DNPEP: variants seen among roughly 807,000 people sequenced by gnomAD.
DNPEP encodes the protein aspartyl aminopeptidase.
DNPEP carries 46 observed loss-of-function variants against 59.1 expected under a neutral mutation model. The observed-to-expected ratio is 0.78, with a 90% CI of 0.61 to 0.99. The LOEUF (loss-of-function observed/expected upper bound fraction) is 0.99, where lower values mean the gene tolerates loss of function less well. Among genes scored for constraint, DNPEP ranks in the 50% least tolerant of loss-of-function variants. The pLI is 0.00. For synonymous variants in DNPEP, 229 were observed against 242.2 expected, an observed-to-expected ratio of 0.95 and a Z score of 0.50; for missense variants, 617 against 649.9, an observed-to-expected ratio of 0.95 and a Z score of 0.55.
chr2:219,372,302 A>AT lies in DNPEP; in HGVS notation c.*1989dup, dbSNP rs1953215761. Reference sequence around the variant, plus strand: ...AGATCACTGTAAAAGTTTCAGGTGCATTTTTCCAGGCTTTTTCTATACATG... The same window carrying AT: ...AGATCACTGTAAAAGTTTCAGGTGCATTTTTTCCAGGCTTTTTCTATACATG... On this transcript the variant is annotated 3_prime_UTR_variant, in exon 15 of 15. Coordinates refer to ENST00000273075, the MANE Select transcript of DNPEP (RefSeq NM_012100.4). Among the ~76,000 whole-genome samples, 7 of 152,056 alleles carry AT rather than the reference A, an allele frequency of 4.6e-5. No homozygotes were observed. The South Asian group carries it at 1.4e-3, about 31-fold the overall frequency.
Position 219,375,038 on chromosome 2 carries a change from G to A in DNPEP, c.1240-16C>T, listed in dbSNP as rs527605210. On this transcript the variant is annotated splice_polypyrimidine_tract_variant and intron_variant, in intron 13 of 14. Transcript: ENST00000273075. ...CCATGAGATCCTAGGGAGAGCAGGA[G>A]ACCCATGAGCAACATGCAGTGTGTG... 4 of 1,613,446 alleles carry A rather than the reference G, an allele frequency of 2.5e-6. No homozygotes were observed. Among genetic ancestry groups the A allele is most frequent in the Non-Finnish European group, 3.4e-6 (4 of 1,179,800 alleles).
intron 1 of DNPEP, among the ~76,000 whole-genome samples, chr2:219,399,190 G>C (rs962309746): frequency 2.6e-5 from 4 of 152,224 alleles, no homozygotes; most frequent in Admixed American, 6.5e-5. Context: ...TGAAAAGATA[G>C]GCAATTCTGT....
At chr2:219,399,740 A>G in intron 1 of DNPEP, 1 of 741,190 alleles carries the variant, frequency 1.3e-6, no homozygotes, top group Non-Finnish European at 2.3e-6. Context: ...GACTGAGAGC[A>G]GGGGACCCTA....
chr2:219,394,575 C>T (rs2125152647), intron 1 of DNPEP, among the ~76,000 whole-genome samples: 1 of 152,274 alleles, frequency 6.6e-6, no homozygotes, highest in East Asian at 1.9e-4. Flanking sequence ...GGTGCCTGGC[C>T]TCATCTCCCA....
chr2:219,375,965 T>C (rs1953355427), intron 13 of DNPEP, among the ~76,000 whole-genome samples: 1 of 152,022 alleles, frequency 6.6e-6, no homozygotes, highest in South Asian at 2.1e-4. Context: ...GGCTATGGTC[T>C]CTAATACCAC....
At position 219,385,519 on chromosome 2, in the gene DNPEP, G is replaced by T. The variant is rs749248148; in HGVS notation, c.679C>A (p.His227Asn). Residue 227 changes from histidine (H) to asparagine (N), a missense_variant, in exon 8 of 15, where the codon CAT becomes AAT. Physicochemically the swap from His to Asn is moderately conservative, Grantham distance 68. Coordinates refer to ENST00000273075, the MANE Select transcript of DNPEP (RefSeq NM_012100.4). Reference sequence around the variant, plus strand: ...CAGAGCAGGGACATGAGGACCGAATGGTGCCGCTCATCCTGAAGAGCAGAA... The same window carrying T: ...CAGAGCAGGGACATGAGGACCGAATTGTGCCGCTCATCCTGAAGAGCAGAA... ...GPLNAVDERHHSVLMSLLCAH... is the reference protein window; with the variant it reads ...GPLNAVDERHNSVLMSLLCAH... The T allele has an allele frequency of 1.9e-6, 3 of 1,602,668 alleles. No individual in the cohort carries two copies. In the Admixed American group the frequency reaches 5.0e-5, roughly 27 times the overall value.
chr2:219,388,269 C>A (rs989909666), upstream of DNPEP, among the ~76,000 whole-genome samples: 1 of 145,500 alleles, frequency 6.9e-6, no homozygotes, highest in Non-Finnish European at 1.5e-5. Flanking sequence ...TCCGCTCCGG[C>A]CCTCGCTGTA....
chr2:219,383,323 G>A (rs1953677931), intron 9 of DNPEP, 109 bp from the exon 10 acceptor site: 2 of 857,714 alleles, frequency 2.3e-6, no homozygotes, highest in Admixed American at 2.0e-5. Context: ...CACCTTGGGT[G>A]TGCACATTCC....
chr2:219,388,780 T>C, upstream of DNPEP: 2 of 985,412 alleles, frequency 2.0e-6, no homozygotes, highest in Non-Finnish European at 2.4e-6. Context: ...AAGGCTAATG[T>C]CCATGGGGCG....
chr2:219,386,010 C>T lies in DNPEP; in HGVS notation c.548G>A (p.Arg183Gln), dbSNP rs750196242. The T allele has an allele frequency of 1.2e-5, 19 of 1,614,042 alleles. No homozygotes were observed. The highest frequency in any genetic ancestry group is 1.7e-5 in the Admixed American group (1 of 59,998). The change falls in exon 6 of 15, where the codon CGA becomes CAA. Residue 183 changes from arginine (R) to glutamine (Q), a missense_variant. Coordinates refer to ENST00000273075, the MANE Select transcript of DNPEP (RefSeq NM_012100.4). ...GGGCCCAAAGTTCTCGTTGATATTT[C>T]GCTGCAGATGGATGGCCAGGTGTGG... is the stretch of plus-strand genomic sequence containing the variant. ...RIPHLAIHLQ[R>Q]NINENFGPNT... is the part of the protein sequence containing the mutation.
intron 11 of DNPEP, 90 bp from the exon 12 acceptor site, chr2:219,381,674 T>G (rs896680346): frequency 1.4e-6 from 2 of 1,397,570 alleles, no homozygotes; most frequent in African/African-American, 2.8e-5. Flanking sequence ...CACTAATAGA[T>G]CACCACTCTT....
At chr2:219,375,072 A>G in intron 13 of DNPEP, 50 bp from the exon 14 acceptor site, 1 of 1,587,100 alleles carries the variant, frequency 6.3e-7, no homozygotes, top group Non-Finnish European at 8.6e-7. Context: ...TGCTTATCAG[A>G]GCCAAGGAGG....
At position 219,387,898 on chromosome 2, in the gene DNPEP, C is replaced by T; in HGVS notation, c.-104G>A. On this transcript the variant is annotated 5_prime_UTR_variant, in exon 1 of 15. Transcript: ENST00000273075. Reference sequence around the variant, plus strand: ...CTTCAGGCCGCGCCGCACTCGTAGGCCTTCATCACGCTTCCCCGGCCGCGC... The same window carrying T: ...CTTCAGGCCGCGCCGCACTCGTAGGTCTTCATCACGCTTCCCCGGCCGCGC... 7.2e-7 allele frequency: 1 copy of T among 1,398,332 alleles called. No individual in the cohort carries two copies. The highest frequency in any genetic ancestry group is 9.3e-7 in the Non-Finnish European group (1 of 1,078,578). 86.6% of individuals were successfully genotyped at this position (1,398,332 alleles called of 1,614,324 possible). A position where few individuals can be genotyped will look rare whatever the true frequency, so the allele number is the denominator to read the frequency against.
chr2:219,387,980 C>CCCG, upstream of DNPEP: 4 of 1,303,090 alleles, frequency 3.1e-6, no homozygotes, highest in Non-Finnish European at 3.9e-6. Flanking sequence ...CGGCATCCGC[C>CCCG]CCGCCCACCT....
rs1953309627 is a variant in DNPEP at position 219,374,918 on chromosome 2, G to A, written c.1344C>T (p.Ala448=). The change falls in exon 14 of 15, where the codon GCC becomes GCT. Residue 448 remains alanine (A), a synonymous_variant. Transcript: ENST00000273075. ...AGGCCATCTCCCGGATAGAGTGCAT[G>A]GCCAGTTGGGGGCTGCCTAAATCCA... ...RVLDLGSPQL[A]MHSIREMACT... 10 of 1,614,182 alleles carry A rather than the reference G, an allele frequency of 6.2e-6. No homozygotes were observed. Among genetic ancestry groups the A allele is most frequent in the Non-Finnish European group, 8.5e-6 (10 of 1,180,032 alleles).
At position 219,387,148 on chromosome 2, in the gene DNPEP, TACCGTTCATGGCC is replaced by T; in HGVS notation, c.39_51del (p.Ala14ArgfsTer18). The T allele has an allele frequency of 1.3e-6, 2 of 1,561,392 alleles. No individual in the cohort carries two copies. The highest frequency in any genetic ancestry group is 1.7e-6 in the Non-Finnish European group (2 of 1,151,988). ...GTCTGCACCGCCTCTTTGCGGGCCT[TACCGTTCATGGCC>T]ACCTAGGGGAGGGGGATGCTCAGAC... On this transcript the variant is annotated frameshift_variant and splice_region_variant, in exon 2 of 15. Coordinates refer to ENST00000273075, the MANE Select transcript of DNPEP (RefSeq NM_012100.4). LOFTEE classifies it high-confidence loss of function.
chr2:219,396,268 A>G (rs1471880286), intron 1 of DNPEP, among the ~76,000 whole-genome samples: 6 of 152,188 alleles, frequency 3.9e-5, no homozygotes, highest in Admixed American at 3.9e-4. Context: ...AATGAAATAC[A>G]GAATGCCCAG....
chr2:219,387,384 C>G (rs1041345589), intron 1 of DNPEP: 3 of 1,439,086 alleles, frequency 2.1e-6, no homozygotes, highest in Non-Finnish European at 2.7e-6. Context: ...GCCCCTTAAT[C>G]CGAACTTTAG....
Position 219,386,791 on chromosome 2 carries a change from G to T in DNPEP, c.220-13C>A. 6.2e-7 allele frequency: 1 copy of T among 1,611,948 alleles called. No homozygotes were observed. Among genetic ancestry groups the T allele is most frequent in the Non-Finnish European group, 8.5e-7 (1 of 1,178,490 alleles). On this transcript the variant is annotated splice_polypyrimidine_tract_variant and intron_variant, in intron 3 of 14. Transcript: ENST00000273075. ...TGGTCATGAAGTACTGAGGAGAAGGGGAGGAAAGACAGGGGTGTGAGTTGC... is the reference window on the plus strand; with the variant it reads ...TGGTCATGAAGTACTGAGGAGAAGGTGAGGAAAGACAGGGGTGTGAGTTGC...
Sources: allele counts gnomAD v4.1 joint callset (sites outside exome capture counted in the v4.1 genomes callset), GRCh38; gene constraint gnomAD v4.1.1; transcripts MANE v1.5; gene names NCBI Gene and HGNC (gene_info 2026-07-23, HGNC 2026-07-21).